The following OCEL1 variants were observed in gnomAD, a reference collection of about 807,000 sequenced individuals.
The protein encoded by OCEL1 is occludin/ELL domain containing 1, also known as occludin/ELL domain-containing protein 1.
In OCEL1, 24 loss-of-function variants were observed where a neutral mutation model predicts 29.4. The observed-to-expected ratio is 0.82, with a 90% CI of 0.59 to 1.15. OCEL1 has a LOEUF of 1.15. Ranked by LOEUF, OCEL1 falls within the 50% of genes most tolerant of loss-of-function variation. The pLI, the probability that OCEL1 is intolerant of heterozygous loss-of-function variation, is 0.00. For synonymous variants in OCEL1, 172 were observed against 145.3 expected (o/e 1.18, Z -1.32); for missense variants, 402 against 352.5 (o/e 1.14, Z -1.13).
At chr19:17,228,626 G>A (rs736128) in intron 5 of OCEL1, 177 bp from the exon 6 acceptor site, 233,883 of 765,800 alleles carry the variant, frequency 0.31, 37,067 homozygotes, top group African/African-American at 0.42. Context: ...CGCCCACCTC[G>A]GCCTCCCAGA....
chr19:17,228,622 C>G (rs779999443), intron 5 of OCEL1, 181 bp from the exon 6 acceptor site: 13 of 745,290 alleles, frequency 1.7e-5, no homozygotes, highest in Non-Finnish European at 2.7e-5. Flanking sequence ...GATCCGCCCA[C>G]CTCGGCCTCC....
At chr19:17,228,050 G>GC (rs778152610) in intron 4 of OCEL1, 45 bp downstream of exon 4, 4 of 1,600,692 alleles carry the variant, frequency 2.5e-6, no homozygotes, top group African/African-American at 1.3e-5. Flanking sequence ...CTTCTGAGTG[G>GC]CCCGACCCAA....
chr19:17,226,664 G>C (rs1213685033), intron 1 of OCEL1, 29 bp from the exon 2 acceptor site: 4 of 1,443,060 alleles, frequency 2.8e-6, no homozygotes, highest in East Asian at 2.6e-5. Flanking sequence ...GCGTCGTCAG[G>C]CGTGTCCTCT....
intron 3 of OCEL1, 104 bp from the exon 4 acceptor site, chr19:17,227,736 T>C: frequency 8.9e-7 from 1 of 1,129,140 alleles, no homozygotes; most frequent in South Asian, 1.7e-5. Flanking sequence ...AAAAGGAACG[T>C]TTCTAGTAGG....
At position 17,227,039 on chromosome 19, in the gene OCEL1, C is replaced by A; in HGVS notation, c.292C>A (p.Pro98Thr). ...AGGCCTCAAAACCAGCGCCCCCCGC[C>A]CTCCGTGCCAGCCCCAGCCGGGACC... ...PRGLKTSAPRPPCQPQPGPHK... is the reference protein window; with the variant it reads ...PRGLKTSAPRTPCQPQPGPHK... The change falls in exon 3 of 6, where the codon CCT (proline) becomes ACT (threonine). Residue 98 changes from proline to threonine, a missense_variant. Physicochemically the swap from Pro to Thr is conservative, Grantham distance 38 (BLOSUM62 -1). Transcript: ENST00000215061. The A allele has an allele frequency of 6.2e-7, 1 of 1,605,490 alleles. No homozygotes were observed. The highest frequency in any genetic ancestry group is 8.5e-7 in the Non-Finnish European group (1 of 1,178,016).
chr19:17,226,557 G>A (rs1599446110), intron 1 of OCEL1, 136 bp from the exon 2 acceptor site: 1 of 1,036,428 alleles, frequency 9.6e-7, no homozygotes. Flanking sequence ...AATCGCGTGC[G>A]TCTATGCAAA....
At chr19:17,228,663 C>A (rs1599449165) in intron 5 of OCEL1, 140 bp from the exon 6 acceptor site, 2 of 1,220,318 alleles carry the variant, frequency 1.6e-6, no homozygotes, top group Admixed American at 2.7e-5. Context: ...CATGAGCCAC[C>A]TTGCCCGGCT....
chr19:17,226,958 C>T, intron 2 of OCEL1, 36 bp from the exon 3 acceptor site: 1 of 1,544,458 alleles, frequency 6.5e-7, no homozygotes. Flanking sequence ...TTTCCCGACA[C>T]CCCGATTTAA....
At chr19:17,226,463 C>A in intron 1 of OCEL1, 147 bp downstream of exon 1, 1 of 1,039,046 alleles carries the variant, frequency 9.6e-7, no homozygotes, top group Non-Finnish European at 1.4e-6. Flanking sequence ...CGGTCCCAGG[C>A]TGCGCGGCGA....
At chr19:17,227,621 G>C (rs913253228) in intron 3 of OCEL1, among the ~76,000 whole-genome samples, 2 of 151,784 alleles carry the variant, frequency 1.3e-5, no homozygotes, top group African/African-American at 4.8e-5. Context: ...AACCCGGGAG[G>C]TGGAGGTTGC....
rs372478466 is a variant in OCEL1 at position 17,226,354 on chromosome 19, G to T, written c.69+38G>T. 9 of 1,599,530 alleles carry T rather than the reference G, an allele frequency of 5.6e-6. No individual in the cohort carries two copies. The African/African-American group carries it at 9.4e-5, about 17-fold the overall frequency. ...GGTAGCGAGCCGGACGGCCTTGCAGGTGGGGCGGAGGTCCCGAGGAGCTCC... is the reference window on the plus strand; with the variant it reads ...GGTAGCGAGCCGGACGGCCTTGCAGTTGGGGCGGAGGTCCCGAGGAGCTCC... On this transcript the variant is annotated intron_variant, in intron 1 of 5. Transcript: ENST00000215061.
chr19:17,228,992 A>T lies in OCEL1; in HGVS notation c.*67A>T, dbSNP rs760923966. On this transcript the variant is annotated 3_prime_UTR_variant, in exon 6 of 6. Transcript: ENST00000215061. ...TCCCTTGCATTTCTTGGTATCTCTCAGCTTTTCCTCTTGCAGCTCCCCCTA... is the reference window on the plus strand; with the variant it reads ...TCCCTTGCATTTCTTGGTATCTCTCTGCTTTTCCTCTTGCAGCTCCCCCTA... 6.4e-7 allele frequency: 1 copy of T among 1,555,806 alleles called. No individual in the cohort carries two copies. The highest frequency in any genetic ancestry group is 8.7e-7 in the Non-Finnish European group (1 of 1,148,426).
intron 4 of OCEL1, 45 bp downstream of exon 4, chr19:17,228,050 G>A (rs952333304): frequency 6.2e-7 from 1 of 1,600,810 alleles, no homozygotes; most frequent in Admixed American, 1.7e-5. Context: ...CTTCTGAGTG[G>A]CCCGACCCAA....
intron 4 of OCEL1, 93 bp from the exon 5 acceptor site, chr19:17,228,163 T>C: frequency 6.5e-7 from 1 of 1,545,290 alleles, no homozygotes; most frequent in Non-Finnish European, 8.9e-7. Context: ...AAGTCCCCAC[T>C]AGATGGGCAT....
chr19:17,226,641 C>G, intron 1 of OCEL1, 52 bp from the exon 2 acceptor site: 1 of 1,420,468 alleles, frequency 7.0e-7, no homozygotes, highest in Middle Eastern at 2.6e-4. Flanking sequence ...GCCCGCGCGT[C>G]CTTTCTCCGT....
chr19:17,226,514 G>C, intron 1 of OCEL1, 179 bp from the exon 2 acceptor site: 1 of 895,236 alleles, frequency 1.1e-6, no homozygotes. Context: ...GGGTTGCGCA[G>C]TCGTGGGCGG....
rs371218789 is a variant in OCEL1 at position 17,228,364 on chromosome 19, G to A, written c.672+55G>A. ...GCACCCCTGAGACTTCTGTGAGGCT[G>A]GGGTGCCTGTGCCCAGTTTCTTTTT... On this transcript the variant is annotated intron_variant, in intron 5 of 5. Transcript: ENST00000215061. 39 of 1,550,892 alleles carry A rather than the reference G, an allele frequency of 2.5e-5. No individual in the cohort carries two copies. In the East Asian group the frequency reaches 4.3e-4, roughly 17 times the overall value.
In OCEL1 at chr19:17,229,173, AG is replaced by A; in HGVS notation, c.*251del. Reference sequence around the variant, plus strand: ...AGATCTCAACCTGTTCCCTGGAAGTAGGGCCTGCTCTCCATCCCAGTGAAAT... The same window carrying A: ...AGATCTCAACCTGTTCCCTGGAAGTAGGCCTGCTCTCCATCCCAGTGAAAT... On this transcript the variant is annotated 3_prime_UTR_variant, in exon 6 of 6. Transcript: ENST00000215061. 2.7e-6 allele frequency: 1 copy of A among 367,598 alleles called. No individual in the cohort carries two copies. The highest frequency in any genetic ancestry group is 4.0e-5 in the Admixed American group (1 of 25,246). 22.8% of individuals were successfully genotyped at this position (367,598 alleles called of 1,614,324 possible).
chr19:17,226,353 G>C, intron 1 of OCEL1, 37 bp downstream of exon 1: 5 of 1,600,942 alleles, frequency 3.1e-6, no homozygotes, highest in Non-Finnish European at 4.3e-6. Flanking sequence ...CGGCCTTGCA[G>C]GTGGGGCGGA....
Sources: allele counts gnomAD v4.1 joint callset (sites outside exome capture counted in the v4.1 genomes callset), GRCh38; gene constraint gnomAD v4.1.1; transcripts MANE v1.5; gene names NCBI Gene and HGNC (gene_info 2026-07-23, HGNC 2026-07-21).